AGBL4: variants seen among roughly 807,000 people sequenced by gnomAD.
AGBL4 encodes AGBL carboxypeptidase 4, also known as cytosolic carboxypeptidase 6.
In AGBL4, 58 loss-of-function variants were observed where a neutral mutation model predicts 66.4. That is an observed-to-expected ratio of 0.87 (90% confidence interval 0.71 to 1.09). AGBL4 has a LOEUF of 1.09. AGBL4 is among the 50% of genes least tolerant of loss of function. AGBL4 has a pLI of 0.00. For missense variants in AGBL4, 579 were observed against 631.0 expected, an observed-to-expected ratio of 0.92 and a Z score of 0.88; for synonymous variants, 234 against 222.9, an observed-to-expected ratio of 1.05 and a Z score of -0.44.
intron 2 of AGBL4, among the ~76,000 whole-genome samples, chr1:49,742,468 C>G (rs1650593331): frequency 6.6e-6 from 1 of 151,798 alleles, no homozygotes; most frequent in Non-Finnish European, 1.5e-5. Context: ...TGAAAATGGC[C>G]ATACTGCCCA....
At chr1:49,945,980 T>G (rs1655169854) in intron 1 of AGBL4, among the ~76,000 whole-genome samples, 2 of 152,028 alleles carry the variant, frequency 1.3e-5, no homozygotes, top group Admixed American at 1.3e-4. Flanking sequence ...TATATAATGA[T>G]AAAAGGCCTT....
At position 49,378,858 on chromosome 1, in the gene AGBL4, T is replaced by C. The variant is rs546912580; in HGVS notation, c.283-132994A>G. Among the ~76,000 whole-genome samples the C allele has an allele frequency of 1.8e-4, 28 of 152,254 alleles. No individual in the cohort carries two copies. The South Asian group carries it at 3.9e-3, about 21-fold the overall frequency. ...CTATTACCCTTACCATACTCAGTCA[T>C]TGGCTGGGAGTAGCCCGAAGTATGT... On this transcript the variant is annotated intron_variant, in intron 3 of 13. Transcript: ENST00000371839.
intron 4 of AGBL4, among the ~76,000 whole-genome samples, chr1:49,130,254 T>G (rs1471215518): frequency 8.5e-5 from 13 of 152,180 alleles, no homozygotes; most frequent in African/African-American, 2.4e-4. Context: ...TTTCTCCCAT[T>G]TTGTAGGTTG....
At chr1:49,878,151 C>CT (rs2148132079) in intron 1 of AGBL4, among the ~76,000 whole-genome samples, 1 of 146,098 alleles carries the variant, frequency 6.8e-6, no homozygotes, top group South Asian at 2.2e-4. Flanking sequence ...TTTTGTGTCT[C>CT]TATTTCCTTC....
At chr1:49,628,163 T>C (rs1030056045) in intron 3 of AGBL4, among the ~76,000 whole-genome samples, 1 of 152,176 alleles carries the variant, frequency 6.6e-6, no homozygotes, top group African/African-American at 2.4e-5. Context: ...GTGAATGGTA[T>C]ATTCTTGGTC....
chr1:49,889,936 G>A (rs749420623), intron 1 of AGBL4, among the ~76,000 whole-genome samples: 64 of 152,104 alleles, frequency 4.2e-4, no homozygotes, highest in Non-Finnish European at 7.6e-4. Flanking sequence ...AAATGTAGAA[G>A]CTCTCTCAGA....
At chr1:49,900,596 C>T (rs1649670964) in intron 1 of AGBL4, among the ~76,000 whole-genome samples, 1 of 152,070 alleles carries the variant, frequency 6.6e-6, no homozygotes, top group Admixed American at 6.6e-5. Context: ...TCTTCATTTT[C>T]CCCACACTCT....
intron 3 of AGBL4, among the ~76,000 whole-genome samples, chr1:49,436,588 C>A (rs1343112970): frequency 1.3e-5 from 2 of 151,858 alleles, no homozygotes; most frequent in African/African-American, 4.8e-5. Context: ...AAAATTCAAG[C>A]TAGAAAGAAA....
chr1:49,359,614 A>G (rs934195827), intron 3 of AGBL4, among the ~76,000 whole-genome samples: 9 of 152,218 alleles, frequency 5.9e-5, no homozygotes, highest in Admixed American at 3.9e-4. Context: ...ATGCTCTTCC[A>G]GACATCAGTA....
intron 11 of AGBL4, among the ~76,000 whole-genome samples, chr1:48,566,596 A>G (rs544737853): frequency 6.6e-6 from 1 of 152,340 alleles, no homozygotes; most frequent in Non-Finnish European, 1.5e-5. Flanking sequence ...ATTATTCTGG[A>G]TGTTTCTGTG....
At chr1:48,695,165 A>G (rs1646694803) in intron 6 of AGBL4, among the ~76,000 whole-genome samples, 1 of 152,198 alleles carries the variant, frequency 6.6e-6, no homozygotes, top group African/African-American at 2.4e-5. Flanking sequence ...ACTGGGAGAA[A>G]GTCCCCTGCT....
chr1:48,714,546 C>A (rs1647017730), intron 6 of AGBL4, among the ~76,000 whole-genome samples: 1 of 152,214 alleles, frequency 6.6e-6, no homozygotes, highest in Non-Finnish European at 1.5e-5. Context: ...ACATTTCTTG[C>A]CGGACTATTA....
chr1:48,562,314 T>TAGG (rs1185627240), intron 11 of AGBL4, among the ~76,000 whole-genome samples: 4 of 152,196 alleles, frequency 2.6e-5, no homozygotes, highest in African/African-American at 9.7e-5. Context: ...TAGAGATAAT[T>TAGG]AGGATTCTTA....
chr1:49,080,929 T>C (rs1383196731), intron 4 of AGBL4, among the ~76,000 whole-genome samples: 1 of 152,196 alleles, frequency 6.6e-6, no homozygotes. Flanking sequence ...AGCATTTATA[T>C]ATAGCCTTTT....
intron 4 of AGBL4, among the ~76,000 whole-genome samples, chr1:49,047,140 T>C (rs543005629): frequency 6.6e-6 from 1 of 152,186 alleles, no homozygotes; most frequent in Non-Finnish European, 1.5e-5. Flanking sequence ...GGTGTGGCTG[T>C]GGGATTCCTT....
chr1:49,645,446 G>A (rs534219342), intron 3 of AGBL4, among the ~76,000 whole-genome samples: 1 of 151,296 alleles, frequency 6.6e-6, no homozygotes, highest in South Asian at 2.1e-4. Flanking sequence ...AAAATTTTTA[G>A]GAAATAAACA....
In AGBL4 at chr1:49,916,261, G is replaced by C. The variant is rs186029705; in HGVS notation, c.35-64743C>G. On this transcript the variant is annotated intron_variant, in intron 1 of 13. Coordinates refer to ENST00000371839, the MANE Select transcript of AGBL4 (RefSeq NM_032785.4). The stretch of plus-strand genomic sequence containing the variant: ...ATGACTTTGATGAGTTGAGAGAAGA[G>C]GGCTTCAGACAATCAAAGTTCTCCA... 2.3e-4 allele frequency among the ~76,000 whole-genome samples: 35 copies of C among 152,272 alleles called. 1 individual carries two copies. The highest frequency in any genetic ancestry group is 7.5e-4 in the African/African-American group (31 of 41,560).
intron 4 of AGBL4, among the ~76,000 whole-genome samples, chr1:49,184,090 G>A (rs571094495): frequency 6.6e-4 from 101 of 152,084 alleles, no homozygotes; most frequent in African/African-American, 1.7e-3. Flanking sequence ...AATAAAAGAA[G>A]AAAAAAACTA....
intron 3 of AGBL4, among the ~76,000 whole-genome samples, chr1:49,498,141 A>G (rs947954324): frequency 4.6e-5 from 7 of 151,888 alleles, no homozygotes; most frequent in Non-Finnish European, 8.8e-5. Context: ...ATGTTGTAAA[A>G]GAGATTGTTT....
Sources: allele counts gnomAD v4.1 joint callset (sites outside exome capture counted in the v4.1 genomes callset), GRCh38; gene constraint gnomAD v4.1.1; transcripts MANE v1.5; gene names NCBI Gene and HGNC (gene_info 2026-07-23, HGNC 2026-07-21).